KL: variants seen among roughly 807,000 people sequenced by gnomAD.
The protein encoded by KL is klotho.
In KL, 62 loss-of-function variants were observed where a neutral mutation model predicts 84.2. The ratio of observed to expected loss-of-function variants is 0.74; its 90% confidence interval spans 0.60 to 0.91. KL has a LOEUF of 0.91. Among genes scored for constraint, KL ranks in the 40% least tolerant of loss-of-function variants. KL has a pLI of 0.00. For missense variants in KL, 1,261 were observed against 1,305.7 expected, an observed-to-expected ratio of 0.97 and a Z score of 0.53; for synonymous variants, 528 against 528.0, an observed-to-expected ratio of 1.00 and a Z score of 0.00.
intron 1 of KL, among the ~76,000 whole-genome samples, chr13:33,043,647 T>C (rs1871419958): frequency 6.6e-6 from 1 of 152,204 alleles, no homozygotes; most frequent in Non-Finnish European, 1.5e-5. Context: ...TTGGTGAAGA[T>C]TCTCTTGTGA....
chr13:33,041,133 A>G (rs918600230), intron 1 of KL, among the ~76,000 whole-genome samples: 1 of 152,098 alleles, frequency 6.6e-6, no homozygotes, highest in African/African-American at 2.4e-5. Context: ...CCCAGACACA[A>G]TGAGTACATT....
At chr13:33,028,453 C>T (rs1375624347) in intron 1 of KL, among the ~76,000 whole-genome samples, 1 of 152,136 alleles carries the variant, frequency 6.6e-6, no homozygotes, top group East Asian at 1.9e-4. Flanking sequence ...CGCCACATAA[C>T]ATGAGGAAGA....
chr13:33,027,500 A>G (rs1225477389), intron 1 of KL, among the ~76,000 whole-genome samples: 1 of 151,658 alleles, frequency 6.6e-6, no homozygotes, highest in East Asian at 1.9e-4. Flanking sequence ...AAGTTTCTCT[A>G]CTCTTCCACT....
At chr13:33,048,518 TTGTCC>T (rs1871623168) in intron 1 of KL, among the ~76,000 whole-genome samples, 1 of 152,222 alleles carries the variant, frequency 6.6e-6, no homozygotes, top group Non-Finnish European at 1.5e-5. Context: ...TCACAAAATC[TTGTCC>T]TGTGCATGGA....
At chr13:33,051,102 C>T (rs1175886832) in intron 1 of KL, among the ~76,000 whole-genome samples, 5 of 152,160 alleles carry the variant, frequency 3.3e-5, no homozygotes, top group Admixed American at 2.0e-4. Flanking sequence ...AGAAGGGATA[C>T]GCATTCATGG....
Position 33,017,208 on chromosome 13 carries a change from C to T in KL, c.768C>T (p.Gly256=). The T allele has an allele frequency of 6.3e-7, 1 of 1,595,206 alleles. No individual in the cohort carries two copies. The highest frequency in any genetic ancestry group is 8.5e-7 in the Non-Finnish European group (1 of 1,177,870). ...ACGCCACCGGGCGCCTGGCCCCCGG[C>T]ATCCGGGGCAGCCCGCGGCTCGGGT... ...HGYATGRLAP[G]IRGSPRLGYL... The change falls in exon 1 of 5, where the codon GGC becomes GGT. Residue 256 remains glycine (G), a synonymous_variant. Transcript: ENST00000380099.
At chr13:33,029,786 G>C (rs902755028) in intron 1 of KL, among the ~76,000 whole-genome samples, 3 of 152,036 alleles carry the variant, frequency 2.0e-5, no homozygotes, top group African/African-American at 7.2e-5. Context: ...GGCACCTGCC[G>C]CCATGCCTGG....
intron 1 of KL, among the ~76,000 whole-genome samples, chr13:33,043,366 C>CAT (rs1871406838): frequency 6.6e-6 from 1 of 151,698 alleles, no homozygotes; most frequent in South Asian, 2.1e-4. Flanking sequence ...ACTACAGAGG[C>CAT]GTGCCACCAC....
At chr13:33,037,430 T>C (rs1363631966) in intron 1 of KL, among the ~76,000 whole-genome samples, 1 of 152,220 alleles carries the variant, frequency 6.6e-6, no homozygotes, top group African/African-American at 2.4e-5. Flanking sequence ...CTGTGTACTA[T>C]GCATGAGCTG....
At position 33,063,850 on chromosome 13, in the gene KL, C is replaced by T; in HGVS notation, c.2703C>T (p.Ala901=). Residue 901 remains alanine, a splice_region_variant and synonymous_variant, in exon 5 of 5, where the codon GCC becomes GCT. Transcript: ENST00000380099. ...MQNYINEALK[A]HILDGINLCG... ...TCTCCTATCCTTTTGTTTTTCCAGC[C>T]CACATACTGGATGGTATCAATCTTT... 1 of 1,613,852 alleles carries T rather than the reference C, an allele frequency of 6.2e-7. No homozygotes were observed. Among genetic ancestry groups the T allele is most frequent in the Non-Finnish European group, 8.5e-7 (1 of 1,179,812 alleles).
At chr13:33,037,094 A>G (rs1871166893) in intron 1 of KL, among the ~76,000 whole-genome samples, 1 of 152,184 alleles carries the variant, frequency 6.6e-6, no homozygotes, top group South Asian at 2.1e-4. Context: ...TTAATATAGG[A>G]ATCATATATC....
intron 1 of KL, among the ~76,000 whole-genome samples, chr13:33,027,022 G>A (rs961597320): frequency 4.6e-5 from 7 of 152,060 alleles, no homozygotes; most frequent in Non-Finnish European, 7.4e-5. Flanking sequence ...ACTTTACCGC[G>A]TCTCCTGGGG....
chr13:33,027,951 G>C (rs1166924289), intron 1 of KL, among the ~76,000 whole-genome samples: 1 of 152,314 alleles, frequency 6.6e-6, no homozygotes, highest in East Asian at 1.9e-4. Context: ...TTGAACCTTT[G>C]GATCATGATG....
At chr13:33,032,912 G>A (rs1871024351) in intron 1 of KL, among the ~76,000 whole-genome samples, 1 of 151,868 alleles carries the variant, frequency 6.6e-6, no homozygotes, top group African/African-American at 2.4e-5. Context: ...CCCTCAGCAA[G>A]AAAGAATCTT....
chr13:33,016,883 G>A lies in KL; in HGVS notation c.443G>A (p.Arg148His), dbSNP rs1301628583. 1.9e-6 allele frequency: 3 copies of A among 1,612,580 alleles called. No individual in the cohort carries two copies. Among genetic ancestry groups the A allele is most frequent in the East Asian group, 2.2e-5 (1 of 44,842 alleles). Residue 148 changes from arginine (R) to histidine (H), a missense_variant, in exon 1 of 5, where the codon CGC becomes CAC. Physicochemically the swap from Arg to His is conservative, Grantham distance 29. Transcript: ENST00000380099. ...CGCGAGCTCGGGGTCACTCACTACC[G>A]CTTCTCCATCTCGTGGGCGCGAGTG... The part of the protein sequence containing the change: ...ALRELGVTHY[R>H]FSISWARVLP...
Position 33,065,550 on chromosome 13 carries a change from T to A in KL, c.*1364T>A. ...CTCACTGACACAGGGTCATAGTGTATAATAATATACTGTACTATATAATAT... is the reference window on the plus strand; with the variant it reads ...CTCACTGACACAGGGTCATAGTGTAAAATAATATACTGTACTATATAATAT... On this transcript the variant is annotated 3_prime_UTR_variant, in exon 5 of 5. Transcript: ENST00000380099. 1 of 184,962 alleles carries A rather than the reference T, an allele frequency of 5.4e-6. No homozygotes were observed. The highest frequency in any genetic ancestry group is 1.1e-5 in the Non-Finnish European group (1 of 86,962). 11.5% of individuals were successfully genotyped at this position (184,962 alleles called of 1,614,324 possible). A position where few individuals can be genotyped will look rare whatever the true frequency, so the allele number is the denominator to read the frequency against.
intron 2 of KL, 107 bp downstream of exon 2, chr13:33,054,384 G>A (rs1167546242): frequency 8.3e-7 from 1 of 1,205,412 alleles, no homozygotes. Context: ...AATCCTAATG[G>A]AGACATTCAT....
chr13:33,048,320 G>C (rs2858818), intron 1 of KL, among the ~76,000 whole-genome samples: 100,645 of 151,544 alleles, frequency 0.66, 33,870 homozygotes, highest in Admixed American at 0.76. Flanking sequence ...TTTAGTCTTT[G>C]TTAGAGCTGG....
At chr13:33,038,798 A>G (rs1236001502) in intron 1 of KL, among the ~76,000 whole-genome samples, 1 of 152,200 alleles carries the variant, frequency 6.6e-6, no homozygotes, top group African/African-American at 2.4e-5. Context: ...CCTGTGGGGG[A>G]AAAAATGAAA....
Sources: gnomAD v4.1 joint callset for allele counts (sites outside exome capture counted in the v4.1 genomes callset) on GRCh38, gnomAD v4.1.1 for gene constraint, MANE v1.5 for transcripts, NCBI Gene and HGNC (gene_info 2026-07-23, HGNC 2026-07-21) for gene names.